Variants in BLTP2 observed in about 807,000 individuals in gnomAD.
BLTP2 encodes U937-associated antigen.
chr17:28,639,992 G>T, the BLTP2 span: 9 of 1,613,996 alleles, frequency 5.6e-6, no homozygotes, highest in South Asian at 1.1e-5. Flanking sequence ...GGTGGTACAG[G>T]AACTGCAGCA....
chr17:28,639,928 G>C, the BLTP2 span: 1 of 1,614,064 alleles, frequency 6.2e-7, no homozygotes, highest in Non-Finnish European at 8.5e-7. Context: ...GTGCTCATCT[G>C]TGCCATATCA....
the BLTP2 span, among the ~76,000 whole-genome samples, chr17:28,625,334 CAAAAAAAAAAAAA>C: frequency 3.4e-5 from 1 of 29,064 alleles, no homozygotes; most frequent in Non-Finnish European, 6.6e-5. Context: ...GACTCCGTCT[CAAAAAAAAAAAAA>C]AAAAAAAAAA....
the BLTP2 span, chr17:28,616,474 T>C: frequency 8.1e-6 from 13 of 1,614,054 alleles, no homozygotes; most frequent in African/African-American, 5.3e-5. This position sits in a 1 kb window ranked among gnomAD's most constrained non-coding sequence, Gnocchi z 4.8. Context: ...GCATCATCTG[T>C]TGCAATCAGC....
At chr17:28,645,127 C>A in the BLTP2 span, 1 of 1,339,888 alleles carries the variant, frequency 7.5e-7, no homozygotes, top group Non-Finnish European at 9.8e-7. Context: ...ATCCGCGCAG[C>A]ACCGCCGCGG....
At chr17:28,634,496 AAT>A in the BLTP2 span, 1 of 1,597,508 alleles carries the variant, frequency 6.3e-7, no homozygotes, top group Middle Eastern at 1.7e-4. Flanking sequence ...GGGGTCTGCA[AAT>A]AAAGGAAACA....
chr17:28,623,772 C>A, the BLTP2 span: 25 of 1,613,926 alleles, frequency 1.5e-5, no homozygotes, highest in African/African-American at 2.7e-5. Flanking sequence ...CTAACCAGAG[C>A]TGTCGGCCAT....
chr17:28,628,402 T>C, the BLTP2 span: 1 of 1,614,204 alleles, frequency 6.2e-7, no homozygotes, highest in Non-Finnish European at 8.5e-7. Flanking sequence ...CTTCAGGGCC[T>C]CAGTAGAAAG....
chr17:28,623,713 A>G, the BLTP2 span: 2 of 1,501,552 alleles, frequency 1.3e-6, no homozygotes, highest in African/African-American at 2.7e-5. Flanking sequence ...TAGAAAGTCT[A>G]CGGAAAACCA....
chr17:28,644,976 C>G, the BLTP2 span: 1 of 1,567,662 alleles, frequency 6.4e-7, no homozygotes, highest in South Asian at 1.2e-5. Flanking sequence ...CCGGCGCGGC[C>G]GGGAACCCTC....
chr17:28,623,956 C>T, the BLTP2 span: 4 of 1,613,546 alleles, frequency 2.5e-6, no homozygotes, highest in Non-Finnish European at 3.4e-6. Context: ...CTCTGCTCCA[C>T]GAAGAACCAT....
chr17:28,628,501 TCTA>T, the BLTP2 span: 1 of 1,614,094 alleles, frequency 6.2e-7, no homozygotes. Flanking sequence ...AATCCGTAAA[TCTA>T]CTAAGTGCAG....
the BLTP2 span, chr17:28,621,648 A>G: frequency 3.1e-6 from 2 of 642,216 alleles, no homozygotes; most frequent in Admixed American, 2.3e-5. Flanking sequence ...CTCCCAGGAT[A>G]GAGGACATAC....
chr17:28,641,885 T>C, the BLTP2 span: 1 of 1,598,842 alleles, frequency 6.3e-7, no homozygotes, highest in Non-Finnish European at 8.6e-7. Flanking sequence ...CACTGGGGCT[T>C]TACCTGAACA....
chr17:28,632,813 TCCTAA>T, the BLTP2 span: 1 of 618,012 alleles, frequency 1.6e-6, no homozygotes. Flanking sequence ...AAAAAAAAGG[TCCTAA>T]CCTAGATTCT....
At chr17:28,634,973 A>G in the BLTP2 span, 1 of 1,613,704 alleles carries the variant, frequency 6.2e-7, no homozygotes, top group Non-Finnish European at 8.5e-7. Flanking sequence ...TCAACCTTTA[A>G]GAGTAGATCA....
the BLTP2 span, chr17:28,641,743 C>T: frequency 1.4e-6 from 1 of 707,988 alleles, no homozygotes; most frequent in Non-Finnish European, 2.3e-6. Flanking sequence ...AAGCAAATGC[C>T]CTATTTCCTC....
the BLTP2 span, chr17:28,643,548 C>G: frequency 6.5e-7 from 1 of 1,527,484 alleles, no homozygotes; most frequent in African/African-American, 1.4e-5. Context: ...AAGAGTGTCA[C>G]TCTGCAAACA....
At chr17:28,629,335 C>T in the BLTP2 span, among the ~76,000 whole-genome samples, 1 of 151,798 alleles carries the variant, frequency 6.6e-6, no homozygotes, top group African/African-American at 2.4e-5. Flanking sequence ...CCATCACCCA[C>T]GCTGGAGTGC....
the BLTP2 span, among the ~76,000 whole-genome samples, chr17:28,623,095 A>C: frequency 6.6e-6 from 1 of 152,134 alleles, no homozygotes; most frequent in African/African-American, 2.4e-5. Flanking sequence ...AAACAAAAAA[A>C]ACAAAACCAC....
Sources: gnomAD v4.1 joint callset for allele counts (sites outside exome capture counted in the v4.1 genomes callset) on GRCh38, gnomAD v4.1.1 for gene constraint, Gnocchi (gnomAD v3.1) non-coding constraint, MANE v1.5 for transcripts, NCBI Gene and HGNC (gene_info 2026-07-23, HGNC 2026-07-21) for gene names.